ZNF423: variants seen among roughly 807,000 people sequenced by gnomAD.
The protein encoded by ZNF423 is zinc finger protein 423.
In ZNF423, 12 loss-of-function variants were observed where a neutral mutation model predicts 95.8. The ratio of observed to expected loss-of-function variants is 0.13; its 90% CI spans 0.08 to 0.20. The LOEUF is 0.20. Ranked by LOEUF, ZNF423 falls within the 10% of genes least tolerant of loss-of-function variation. The probability of loss-of-function intolerance (pLI) is 1.00; values close to 1 mark genes in which losing one functional copy is unlikely to be tolerated. For missense variants in ZNF423, 1,316 were observed against 1,737.1 expected (o/e 0.76, Z 4.31); for synonymous variants, 749 against 711.9 (o/e 1.05, Z -0.83).
At chr16:49,584,136 C>T (rs1214298268) in intron 5 of ZNF423, among the ~76,000 whole-genome samples, 1 of 152,218 alleles carries the variant, frequency 6.6e-6, no homozygotes, top group Non-Finnish European at 1.5e-5. Context: ...CAAACCTCTC[C>T]CACACTTCCC....
upstream of ZNF423, among the ~76,000 whole-genome samples, chr16:49,858,448 G>A (rs1411109463): frequency 6.6e-6 from 1 of 151,924 alleles, no homozygotes; most frequent in Admixed American, 6.5e-5. The surrounding 1 kb of genome is among the most constrained non-coding windows in gnomAD (Gnocchi z 4.3). Context: ...CCTGAGGCAG[G>A]GGGGCCAGGC....
At chr16:49,643,435 G>C (rs1223916232) in intron 3 of ZNF423, among the ~76,000 whole-genome samples, 1 of 152,046 alleles carries the variant, frequency 6.6e-6, no homozygotes, top group Non-Finnish European at 1.5e-5. Flanking sequence ...AGAAAACCAG[G>C]GCACAGAGCG....
chr16:49,664,930 A>C (rs1173472639), intron 3 of ZNF423, among the ~76,000 whole-genome samples: 1 of 152,226 alleles, frequency 6.6e-6, no homozygotes, highest in Admixed American at 6.5e-5. Context: ...CATTGTGGGC[A>C]CATTGTACTC....
chr16:49,669,145 C>T (rs1848670468), intron 3 of ZNF423, among the ~76,000 whole-genome samples: 1 of 151,992 alleles, frequency 6.6e-6, no homozygotes, highest in African/African-American at 2.4e-5. Context: ...GCCTGACCAA[C>T]ATGAAGAAAC....
chr16:49,620,226 T>G (rs932165256), intron 5 of ZNF423, among the ~76,000 whole-genome samples: 20 of 96,682 alleles, frequency 2.1e-4, no homozygotes, highest in African/African-American at 7.8e-4. Flanking sequence ...CACATACACA[T>G]ACACACACAG....
chr16:49,790,479 G>A (rs930145521), intron 1 of ZNF423, among the ~76,000 whole-genome samples: 2 of 152,244 alleles, frequency 1.3e-5, no homozygotes, highest in African/African-American at 4.8e-5. Flanking sequence ...GCCACGAAGA[G>A]TTTGGGCTCA....
chr16:49,512,105 T>C (rs772863945), intron 7 of ZNF423, among the ~76,000 whole-genome samples: 7 of 152,214 alleles, frequency 4.6e-5, no homozygotes, highest in Non-Finnish European at 7.3e-5. Flanking sequence ...AAATTCTGTT[T>C]GTCCTTATTA....
At chr16:49,557,047 C>T (rs1969850665) in intron 5 of ZNF423, among the ~76,000 whole-genome samples, 1 of 152,192 alleles carries the variant, frequency 6.6e-6, no homozygotes, top group African/African-American at 2.4e-5. Context: ...AATAATTGGG[C>T]CATTTTGGTG....
Position 49,626,178 on chromosome 16 carries a change from T to C in ZNF423, c.3593A>G (p.His1198Arg), listed in dbSNP as rs1567511805. Reference protein sequence around the residue: ...EREIQIHVANHMIEEGINHEC... With the variant: ...EREIQIHVANRMIEEGINHEC... ...AGGAAATGCTCTCTTACCAATCATG[T>C]GGTTGGCAACGTGGATTTGGATCTC... Residue 1198 changes from histidine to arginine, a missense_variant, in exon 5 of 8, where the codon CAC becomes CGC. Physicochemically the swap from His to Arg is conservative, Grantham distance 29. This residue lies in a region of ZNF423 where 75 missense variants were observed against 163.5 expected (regional missense o/e 0.46). Coordinates refer to ENST00000563137, the MANE Select transcript of ZNF423 (RefSeq NM_001379286.1). 6.2e-7 allele frequency: 1 copy of C among 1,614,030 alleles called. No homozygotes were observed. Among genetic ancestry groups the C allele is most frequent in the Non-Finnish European group, 8.5e-7 (1 of 1,179,914 alleles).
At chr16:49,686,256 T>A (rs2031558088) in intron 3 of ZNF423, among the ~76,000 whole-genome samples, 1 of 152,064 alleles carries the variant, frequency 6.6e-6, no homozygotes. Context: ...TAATTCATAT[T>A]AATTATGAAA....
chr16:49,793,905 C>T (rs1361806720), intron 1 of ZNF423, among the ~76,000 whole-genome samples: 1 of 152,216 alleles, frequency 6.6e-6, no homozygotes, highest in Non-Finnish European at 1.5e-5. Flanking sequence ...ACTCAAGCCC[C>T]TCTGCACACT....
chr16:49,730,671 A>T, intron 3 of ZNF423, 100 bp downstream of exon 3: 1 of 1,257,376 alleles, frequency 8.0e-7, no homozygotes, highest in Non-Finnish European at 1.1e-6. Context: ...CTGTAAAATT[A>T]CATTATTAAT....
intron 3 of ZNF423, among the ~76,000 whole-genome samples, chr16:49,668,158 C>T (rs1260309241): frequency 3.9e-5 from 6 of 152,188 alleles, no homozygotes; most frequent in Middle Eastern, 3.2e-3. Context: ...GAGTGTGGCC[C>T]TTTTCCTTGC....
At position 49,503,270 on chromosome 16, in the gene ZNF423, C is replaced by T. The variant is rs1967501912; in HGVS notation, c.3850-11966G>A. 2.0e-5 allele frequency among the ~76,000 whole-genome samples: 3 copies of T among 152,290 alleles called. 1 individual carries two copies. In the South Asian group the frequency reaches 6.2e-4, roughly 32 times the overall value. On this transcript the variant is annotated intron_variant, in intron 7 of 7. Coordinates refer to ENST00000563137, the MANE Select transcript of ZNF423 (RefSeq NM_001379286.1). ...AGGCCCCCTTCCTGGCAAAGGAAAG[C>T]TGAGAAAACAACGTGAAGCACAGTC...
intron 5 of ZNF423, among the ~76,000 whole-genome samples, chr16:49,547,026 ACAAT>A (rs1211836316): frequency 4.0e-5 from 6 of 150,658 alleles, no homozygotes; most frequent in Admixed American, 4.0e-4. Context: ...AAAAAAAAAA[ACAAT>A]CAGCCAGCTT....
chr16:49,791,890 T>C lies in ZNF423; in HGVS notation c.41-2344A>G, dbSNP rs189293499. Among the ~76,000 whole-genome samples, 165 of 150,732 alleles carry C rather than the reference T, an allele frequency of 1.1e-3. 1 individual carries two copies. The highest frequency in any genetic ancestry group is 3.6e-3 in the African/African-American group (147 of 40,956). ...GGTGGTGCATGCCTGTAGTCTCAGCTACTCGGGAGGCTAAGGCAAGAGAAT... is the reference window on the plus strand; with the variant it reads ...GGTGGTGCATGCCTGTAGTCTCAGCCACTCGGGAGGCTAAGGCAAGAGAAT... On this transcript the variant is annotated intron_variant, in intron 1 of 7. Coordinates refer to ENST00000563137, the MANE Select transcript of ZNF423 (RefSeq NM_001379286.1).
intron 1 of ZNF423, among the ~76,000 whole-genome samples, chr16:49,797,267 C>T (rs950072084): frequency 5.3e-5 from 8 of 152,004 alleles, no homozygotes; most frequent in East Asian, 1.9e-4. Context: ...GCAGGTAGAG[C>T]GGTATAGGCC....
chr16:49,542,117 C>A (rs950043732), intron 5 of ZNF423, among the ~76,000 whole-genome samples: 1 of 152,236 alleles, frequency 6.6e-6, no homozygotes, highest in Non-Finnish European at 1.5e-5. Context: ...CCCCTCTCAG[C>A]CCCTGCCTTG....
chr16:49,670,845 C>T (rs569754101), intron 3 of ZNF423, among the ~76,000 whole-genome samples: 2 of 152,290 alleles, frequency 1.3e-5, no homozygotes, highest in African/African-American at 2.4e-5. Context: ...TGAGGCGAGA[C>T]GTTTAAAGCA....
Sources: allele counts gnomAD v4.1 joint callset (sites outside exome capture counted in the v4.1 genomes callset), GRCh38; gene constraint gnomAD v4.1.1; regional missense constraint gnomAD v4.1.1; non-coding constraint Gnocchi (gnomAD v3.1); transcripts MANE v1.5; gene names NCBI Gene and HGNC (gene_info 2026-07-23, HGNC 2026-07-21).